BLNK: variants seen among roughly 807,000 people sequenced by gnomAD.
The protein encoded by BLNK is B-cell linker protein.
In BLNK, 29 loss-of-function variants were observed where a neutral mutation model predicts 73.5. That is an observed-to-expected ratio of 0.39 (90% CI 0.29 to 0.54). The LOEUF (loss-of-function observed/expected upper bound fraction) is 0.54. Among genes scored for constraint, BLNK ranks in the 20% least tolerant of loss-of-function variants. BLNK has a pLI of 0.61. For synonymous variants in BLNK, 176 were observed against 200.8 expected (o/e 0.88, Z 1.04); for missense variants, 460 against 562.8 (o/e 0.82, Z 1.85).
At chr10:96,229,506 TG>T (rs1482989612) in intron 4 of BLNK, among the ~76,000 whole-genome samples, 1 of 152,182 alleles carries the variant, frequency 6.6e-6, no homozygotes, top group Non-Finnish European at 1.5e-5. Flanking sequence ...TGTCTGATTT[TG>T]GGGCAAGTAA....
intron 1 of BLNK, among the ~76,000 whole-genome samples, chr10:96,247,427 T>C (rs1340485934): frequency 1.3e-5 from 2 of 152,228 alleles, no homozygotes; most frequent in Non-Finnish European, 2.9e-5. Context: ...TATTAAATGG[T>C]AGTAGGTAGC....
At chr10:96,226,705 G>C (rs1340383632) in intron 5 of BLNK, among the ~76,000 whole-genome samples, 1 of 152,106 alleles carries the variant, frequency 6.6e-6, no homozygotes, top group Non-Finnish European at 1.5e-5. Flanking sequence ...GCCAGGCGTG[G>C]TGGTGGGTGC....
chr10:96,204,131 A>G (rs1438427697), intron 12 of BLNK, 43 bp from the exon 13 acceptor site: 2 of 1,610,302 alleles, frequency 1.2e-6, no homozygotes, highest in African/African-American at 1.3e-5. Context: ...AAAGCACAAT[A>G]TGAGTAAGTT....
chr10:96,215,537 A>G (rs982865947), intron 7 of BLNK, 148 bp from the exon 8 acceptor site: 2 of 618,930 alleles, frequency 3.2e-6, no homozygotes, highest in Non-Finnish European at 5.5e-6. Flanking sequence ...CTTATTAGAC[A>G]CACAAACCAA....
intron 2 of BLNK, among the ~76,000 whole-genome samples, chr10:96,244,631 A>T (rs1306258382): frequency 6.6e-6 from 1 of 152,170 alleles, no homozygotes; most frequent in Non-Finnish European, 1.5e-5. Context: ...TTCAAGTAAA[A>T]GTGTAACTGC....
intron 4 of BLNK, among the ~76,000 whole-genome samples, chr10:96,229,121 C>T (rs1554903437): frequency 6.6e-6 from 1 of 152,052 alleles, no homozygotes; most frequent in East Asian, 1.9e-4. Flanking sequence ...TTTTTAAATG[C>T]ACAATAAATT....
chr10:96,214,246 C>G (rs936635448), intron 8 of BLNK, among the ~76,000 whole-genome samples: 2 of 152,162 alleles, frequency 1.3e-5, no homozygotes, highest in Non-Finnish European at 2.9e-5. Context: ...GCTCCTACAC[C>G]TCTCTGTGCT....
At chr10:96,204,758 C>A in intron 11 of BLNK, 142 bp from the exon 12 acceptor site, 5 of 734,776 alleles carry the variant, frequency 6.8e-6, no homozygotes, top group East Asian at 5.7e-5. Flanking sequence ...TGTCATGGAT[C>A]TGTGCACTTG....
At chr10:96,224,831 G>A (rs781923291) in intron 5 of BLNK, among the ~76,000 whole-genome samples, 5 of 152,110 alleles carry the variant, frequency 3.3e-5, no homozygotes, top group Non-Finnish European at 5.9e-5. Context: ...TGAAGTAGCT[G>A]GGATTACAGG....
At chr10:96,267,464 G>A (rs781934157) in intron 1 of BLNK, among the ~76,000 whole-genome samples, 6 of 152,130 alleles carry the variant, frequency 3.9e-5, no homozygotes, top group Non-Finnish European at 8.8e-5. Context: ...GTGGAAAGGT[G>A]AAAAGAAGGT....
chr10:96,189,672 T>A lies in BLNK; in HGVS notation c.*2301A>T. ...AGTATGTAGATTTCTTCAATGGTGC[T>A]TTTTCTTCAGTTTCCTCATCATCAA... On this transcript the variant is annotated 3_prime_UTR_variant, in exon 17 of 17. Coordinates refer to ENST00000224337, the MANE Select transcript of BLNK (RefSeq NM_013314.4). 1 of 719,094 alleles carries A rather than the reference T, an allele frequency of 1.4e-6. No individual in the cohort carries two copies. Among genetic ancestry groups the A allele is most frequent in the South Asian group, 1.4e-5 (1 of 72,946 alleles). 44.5% of individuals were successfully genotyped at this position (719,094 alleles called of 1,614,324 possible).
chr10:96,207,942 G>T, intron 9 of BLNK, 43 bp from the exon 10 acceptor site: 1 of 1,592,410 alleles, frequency 6.3e-7, no homozygotes, highest in South Asian at 1.1e-5. Flanking sequence ...ACACAACGAA[G>T]ACAAAATGGA....
chr10:96,265,623 C>T (rs755828701), intron 1 of BLNK, among the ~76,000 whole-genome samples: 21 of 152,214 alleles, frequency 1.4e-4, no homozygotes, highest in Admixed American at 2.6e-4. Context: ...CTCATCCAAA[C>T]CATCCCAGAC....
chr10:96,251,962 T>C (rs57519557), intron 1 of BLNK, among the ~76,000 whole-genome samples: 17,471 of 152,182 alleles, frequency 0.11, 1,780 homozygotes, highest in East Asian at 0.55. Context: ...AGAGGGCTAT[T>C]GGACCACAAC....
At chr10:96,262,677 A>G (rs1416955208) in intron 1 of BLNK, among the ~76,000 whole-genome samples, 1 of 152,152 alleles carries the variant, frequency 6.6e-6, no homozygotes, top group Non-Finnish European at 1.5e-5. Context: ...CTCAGATTAC[A>G]TGAACGATTG....
At chr10:96,210,235 C>A in intron 8 of BLNK, 1 of 392,656 alleles carries the variant, frequency 2.5e-6, no homozygotes, top group Non-Finnish European at 4.8e-6. Context: ...TCAGTGAGGA[C>A]CCCCACAGAG....
At chr10:96,220,693 G>A (rs1165737952) in intron 6 of BLNK, among the ~76,000 whole-genome samples, 1 of 152,108 alleles carries the variant, frequency 6.6e-6, no homozygotes, top group Non-Finnish European at 1.5e-5. Flanking sequence ...TCAGTGATTG[G>A]TCTTTTGAAG....
At chr10:96,215,237 T>C in intron 8 of BLNK, 84 bp downstream of exon 8, 1 of 1,400,642 alleles carries the variant, frequency 7.1e-7, no homozygotes, top group African/African-American at 1.4e-5. Flanking sequence ...CATTTGGAAA[T>C]ACAAGTGATT....
intron 8 of BLNK, 107 bp from the exon 9 acceptor site, chr10:96,210,014 G>A: frequency 8.6e-7 from 1 of 1,168,292 alleles, no homozygotes; most frequent in Non-Finnish European, 1.3e-6. Context: ...CACATACTGT[G>A]TTGCTTTCAG....
Sources: allele counts gnomAD v4.1 joint callset (sites outside exome capture counted in the v4.1 genomes callset), GRCh38; gene constraint gnomAD v4.1.1; transcripts MANE v1.5; gene names NCBI Gene and HGNC (gene_info 2026-07-23, HGNC 2026-07-21).